CAPN7: variants seen among roughly 807,000 people sequenced by gnomAD.
CAPN7 encodes the protein calpain 7.
Under a neutral mutation model 115.2 loss-of-function variants are expected in CAPN7, and 72 were observed. That is an observed-to-expected ratio of 0.63 (90% CI 0.52 to 0.76). The LOEUF is 0.76. Among genes scored for constraint, CAPN7 ranks in the 30% least tolerant of loss-of-function variants. The probability of loss-of-function intolerance (pLI) is 0.00; values close to 1 mark genes in which losing one functional copy is unlikely to be tolerated. For missense variants in CAPN7, 905 were observed against 971.5 expected (o/e 0.93, Z 0.91); for synonymous variants, 344 against 322.3 (o/e 1.07, Z -0.72).
At chr3:15,246,943 C>A in intron 18 of CAPN7, 149 bp downstream of exon 18, 1 of 675,776 alleles carries the variant, frequency 1.5e-6, no homozygotes, top group Non-Finnish European at 2.6e-6. Context: ...GGTTGGAATA[C>A]AAGATCTTCA....
At chr3:15,215,240 C>G (rs1438222838) in intron 2 of CAPN7, among the ~76,000 whole-genome samples, 1 of 152,044 alleles carries the variant, frequency 6.6e-6, no homozygotes, top group African/African-American at 2.4e-5. Context: ...TAAGGCCAGC[C>G]TGGGCAACCT....
rs543235330 is a variant in CAPN7 at position 15,217,714 on chromosome 3, ACTC to A, written c.369+136_369+138del. 591 of 625,486 alleles carry A rather than the reference ACTC, an allele frequency of 9.4e-4. 7 individuals are homozygous for A. In the African/African-American group the frequency reaches 9.7e-3, roughly 10 times the overall value. The allele number at this position is 625,486 out of a possible 1,614,324, so 38.7% of individuals were successfully genotyped here. A position where few individuals can be genotyped will look rare whatever the true frequency, so the allele number is the denominator to read the frequency against. Reference sequence around the variant, plus strand: ...AAAAATTATTTTAAATGTAACAACTACTCCTCAATATAAGATGATGAGTAGAAA... The same window carrying A: ...AAAAATTATTTTAAATGTAACAACTACTCAATATAAGATGATGAGTAGAAA... On this transcript the variant is annotated intron_variant, in intron 3 of 20. Coordinates refer to ENST00000253693, the MANE Select transcript of CAPN7 (RefSeq NM_014296.3).
chr3:15,249,395 A>G (rs1439072702), intron 19 of CAPN7, among the ~76,000 whole-genome samples: 10 of 152,114 alleles, frequency 6.6e-5, no homozygotes. Flanking sequence ...TTTTTCTCAG[A>G]TTGTCATTTT....
Position 15,220,751 on chromosome 3 carries a change from A to G in CAPN7, c.438-30A>G, listed in dbSNP as rs764164062. 4.4e-6 allele frequency: 7 copies of G among 1,602,768 alleles called. No individual in the cohort carries two copies. The Admixed American group carries it at 5.0e-5, about 11-fold the overall frequency. On this transcript the variant is annotated intron_variant, in intron 4 of 20. Coordinates refer to ENST00000253693, the MANE Select transcript of CAPN7 (RefSeq NM_014296.3). The stretch of plus-strand genomic sequence containing the variant: ...AAGCTTAAATGTGAGTAGAAAAACT[A>G]GAACAGTTGTTTGTTCCTCTCTGTT...
intron 7 of CAPN7, 134 bp downstream of exon 7, chr3:15,228,099 T>G: frequency 1.8e-6 from 1 of 552,704 alleles, no homozygotes. Flanking sequence ...TTGTTCATTC[T>G]ACACATTTTG....
In CAPN7 at chr3:15,241,563, T is replaced by C. The variant is rs1695351093; in HGVS notation, c.1763T>C (p.Leu588Ser). The change falls in exon 15 of 21, where the codon TTG becomes TCG. Residue 588 changes from leucine to serine, a missense_variant. Transcript: ENST00000253693. ...CPQGGAAVWVLLSRHITDKDD... is the reference protein window; with the variant it reads ...CPQGGAAVWVSLSRHITDKDD... Reference sequence around the variant, plus strand: ...CAGGGGGGTGCTGCAGTTTGGGTTTTGCTTAGTAGACACATAACAGACAAG... The same window carrying C: ...CAGGGGGGTGCTGCAGTTTGGGTTTCGCTTAGTAGACACATAACAGACAAG... 1 of 1,614,012 alleles carries C rather than the reference T, an allele frequency of 6.2e-7. No individual in the cohort carries two copies. Among genetic ancestry groups the C allele is most frequent in the Non-Finnish European group, 8.5e-7 (1 of 1,180,014 alleles).
At chr3:15,217,786 TGA>T (rs1228798435) in intron 3 of CAPN7, among the ~76,000 whole-genome samples, 2 of 152,252 alleles carry the variant, frequency 1.3e-5, no homozygotes, top group African/African-American at 2.4e-5. Context: ...TTGAAAGTAT[TGA>T]GTCTTAAATT....
intron 19 of CAPN7, among the ~76,000 whole-genome samples, chr3:15,249,977 A>T (rs889755024): frequency 6.6e-6 from 1 of 151,504 alleles, no homozygotes; most frequent in Admixed American, 6.6e-5. Flanking sequence ...GTTGGCCAGG[A>T]TGCTCTTGAT....
intron 2 of CAPN7, among the ~76,000 whole-genome samples, chr3:15,215,510 C>T (rs1439463090): frequency 6.6e-6 from 1 of 152,188 alleles, no homozygotes; most frequent in African/African-American, 2.4e-5. Context: ...TTCCTCCCTC[C>T]CCCTAGCCAC....
chr3:15,235,294 C>T (rs1575216904), intron 12 of CAPN7, 149 bp downstream of exon 12: 6 of 643,906 alleles, frequency 9.3e-6, no homozygotes, highest in Admixed American at 3.5e-5. Context: ...TGATCTCTAC[C>T]GTTGAAAATT....
rs934407803 is a variant in CAPN7 at position 15,206,264 on chromosome 3, G to C, written c.-232G>C. The stretch of plus-strand genomic sequence containing the variant: ...GCGGGGCGAGGGCCGCTGGGGCCGC[G>C]AAGTGGGGCGGCCGGGTGGGCTACA... On this transcript the variant is annotated 5_prime_UTR_variant, in exon 1 of 21. Coordinates refer to ENST00000253693, the MANE Select transcript of CAPN7 (RefSeq NM_014296.3). The C allele has an allele frequency of 1.5e-5, 6 of 404,394 alleles. No individual in the cohort carries two copies. The highest frequency in any genetic ancestry group is 2.7e-5 in the Non-Finnish European group (6 of 225,632). 25.1% of individuals were successfully genotyped at this position (404,394 alleles called of 1,614,324 possible).
At chr3:15,222,834 G>C (rs182818905) in intron 5 of CAPN7, among the ~76,000 whole-genome samples, 3 of 152,284 alleles carry the variant, frequency 2.0e-5, no homozygotes, top group Admixed American at 2.0e-4. Flanking sequence ...ACTATATTAA[G>C]TAGTCCTCAG....
At chr3:15,249,595 TAAGAGTTTTTTTCTA>T (rs369466844) in intron 19 of CAPN7, among the ~76,000 whole-genome samples, 3,236 of 152,230 alleles carry the variant, frequency 0.021, 128 homozygotes, top group African/African-American at 0.072. Flanking sequence ...AAATACAATT[TAAGAGTTTTTTTCTA>T]AATTTTTTGT....
chr3:15,234,495 T>G (rs1694876305), intron 11 of CAPN7, among the ~76,000 whole-genome samples: 1 of 152,134 alleles, frequency 6.6e-6, no homozygotes, highest in African/African-American at 2.4e-5. Flanking sequence ...TAATCCAAAT[T>G]GTAGATAATC....
At chr3:15,248,183 TAAATA>T (rs1482402944) in intron 19 of CAPN7, among the ~76,000 whole-genome samples, 1 of 150,940 alleles carries the variant, frequency 6.6e-6, no homozygotes, top group African/African-American at 2.4e-5. Context: ...AATAAAAAAA[TAAATA>T]AATAAATAAA....
intron 4 of CAPN7, 95 bp from the exon 5 acceptor site, chr3:15,220,686 G>T (rs1360908894): frequency 1.5e-5 from 15 of 985,576 alleles, no homozygotes. Flanking sequence ...TTACATTAGG[G>T]ATGCTTGACT....
chr3:15,250,956 G>A lies in CAPN7; in HGVS notation c.2230G>A (p.Val744Ile), dbSNP rs1236034695. 1.1e-5 allele frequency: 17 copies of A among 1,612,516 alleles called. No homozygotes were observed. Among genetic ancestry groups the A allele is most frequent in the Non-Finnish European group, 1.4e-5 (16 of 1,178,636 alleles). ...PRQYSVGFEV[V>I]TVSTLGDPGP... ...GCAATATAGCGTTGGATTTGAGGTT[G>A]TAACAGTTTCTACTCTAGGAGATCC... Residue 744 changes from valine (V) to isoleucine (I), a missense_variant, in exon 20 of 21, where the codon GTA becomes ATA. Val to Ile is a conservative substitution (Grantham distance 29, BLOSUM62 3). This residue lies in a region of CAPN7 where 620 missense variants were observed against 703.4 expected (regional missense o/e 0.88). Transcript: ENST00000253693.
rs780087984 is a variant in CAPN7 at position 15,217,409 on chromosome 3, T to C, written c.212-16T>C. On this transcript the variant is annotated splice_polypyrimidine_tract_variant and intron_variant, in intron 2 of 20. Coordinates refer to ENST00000253693, the MANE Select transcript of CAPN7 (RefSeq NM_014296.3). ...TTAGATAATACTCCTTCTGCGTATT[T>C]TTTTTTCTATCCTAGTTCAGTCAAA... 8 of 1,585,944 alleles carry C rather than the reference T, an allele frequency of 5.0e-6. No individual in the cohort carries two copies. The highest frequency in any genetic ancestry group is 6.9e-6 in the Non-Finnish European group (8 of 1,167,732).
chr3:15,247,899 A>G (rs1286392193), intron 19 of CAPN7, among the ~76,000 whole-genome samples: 2 of 152,222 alleles, frequency 1.3e-5, no homozygotes, highest in Non-Finnish European at 2.9e-5. Flanking sequence ...ATTGGAAATC[A>G]TCATTCTCAG....
Sources: allele counts gnomAD v4.1 joint callset (sites outside exome capture counted in the v4.1 genomes callset), GRCh38; gene constraint gnomAD v4.1.1; regional missense constraint gnomAD v4.1.1; transcripts MANE v1.5; gene names NCBI Gene and HGNC (gene_info 2026-07-23, HGNC 2026-07-21).